Variants in MAF observed in about 807,000 individuals in gnomAD.
MAF encodes transcription factor Maf.
A neutral mutation model predicts 22.0 loss-of-function variants in MAF; 10 were observed. That is an observed-to-expected ratio of 0.45 (90% confidence interval 0.28 to 0.77). The LOEUF (loss-of-function observed/expected upper bound fraction) is 0.77. Among genes scored for constraint, MAF ranks in the 30% least tolerant of loss-of-function variants. The pLI is 0.12. For missense variants in MAF, 544 were observed against 548.4 expected, an observed-to-expected ratio of 0.99 and a Z score of 0.08; for synonymous variants, 337 against 255.8, an observed-to-expected ratio of 1.32 and a Z score of -3.03.
At chr16:79,417,141 G>A in the MAF span, among the ~76,000 whole-genome samples, 2 of 152,064 alleles carry the variant, frequency 1.3e-5, no homozygotes, top group African/African-American at 4.8e-5. Context: ...ATTTTCATTT[G>A]AGGCTGAGGA....
the MAF span, among the ~76,000 whole-genome samples, chr16:79,215,268 G>A: frequency 6.6e-5 from 10 of 152,172 alleles, no homozygotes; most frequent in African/African-American, 2.4e-4. Context: ...TTTAAACAGA[G>A]ATGGGGTCTT....
chr16:79,519,195 T>C, the MAF span, among the ~76,000 whole-genome samples: 6 of 152,154 alleles, frequency 3.9e-5, no homozygotes, highest in Non-Finnish European at 8.8e-5. Flanking sequence ...CACTGACTTG[T>C]CCAAGCCCCC....
the MAF span, among the ~76,000 whole-genome samples, chr16:79,349,406 G>T: frequency 6.6e-6 from 1 of 152,216 alleles, no homozygotes; most frequent in African/African-American, 2.4e-5. Flanking sequence ...CATCTGTTTA[G>T]AAAGTTACTT....
At chr16:79,537,784 C>T in the MAF span, among the ~76,000 whole-genome samples, 1 of 152,152 alleles carries the variant, frequency 6.6e-6, no homozygotes, top group Admixed American at 6.5e-5. Flanking sequence ...TTTTACTCAC[C>T]AGACGAGGTC....
chr16:79,282,694 A>G, the MAF span, among the ~76,000 whole-genome samples: 1 of 152,208 alleles, frequency 6.6e-6, no homozygotes, highest in African/African-American at 2.4e-5. Context: ...GATCTCTCCA[A>G]TCAAAACTGT....
At chr16:79,437,214 A>G in the MAF span, among the ~76,000 whole-genome samples, 1 of 151,884 alleles carries the variant, frequency 6.6e-6, no homozygotes, top group Non-Finnish European at 1.5e-5. Flanking sequence ...TAAGGAAGAG[A>G]GCATGCTGTA....
At chr16:79,500,030 C>A in the MAF span, among the ~76,000 whole-genome samples, 1 of 152,152 alleles carries the variant, frequency 6.6e-6, no homozygotes, top group Admixed American at 6.5e-5. Flanking sequence ...GAGAGAGATG[C>A]AGCAGCAAGC....
At chr16:79,363,847 G>A in the MAF span, among the ~76,000 whole-genome samples, 1 of 152,170 alleles carries the variant, frequency 6.6e-6, no homozygotes, top group Non-Finnish European at 1.5e-5. Context: ...CAAATATCTG[G>A]AGGGTGAATG....
At chr16:79,440,166 G>A in the MAF span, among the ~76,000 whole-genome samples, 1 of 152,286 alleles carries the variant, frequency 6.6e-6, no homozygotes, top group Non-Finnish European at 1.5e-5. Context: ...AGCAATAGAT[G>A]GTGTGTTTCT....
chr16:79,413,189 C>A, the MAF span, among the ~76,000 whole-genome samples: 1 of 134,238 alleles, frequency 7.4e-6, no homozygotes, highest in East Asian at 2.1e-4. Context: ...AATTCCAGCT[C>A]TGCTACTTGT....
chr16:79,218,222 C>A, the MAF span, among the ~76,000 whole-genome samples: 1 of 126,404 alleles, frequency 7.9e-6, no homozygotes. Flanking sequence ...GCTTCATGCC[C>A]CCCCTTTTTT....
chr16:79,407,509 G>C, the MAF span, among the ~76,000 whole-genome samples: 1 of 152,040 alleles, frequency 6.6e-6, no homozygotes, highest in Non-Finnish European at 1.5e-5. Context: ...TGTAGTGGGG[G>C]TGAAGTCCTG....
the MAF span, among the ~76,000 whole-genome samples, chr16:79,580,021 G>T: frequency 6.6e-6 from 1 of 151,916 alleles, no homozygotes; most frequent in East Asian, 1.9e-4. Context: ...AACAAAATAG[G>T]ACGAAAACAA....
At chr16:79,253,027 T>C in the MAF span, among the ~76,000 whole-genome samples, 1 of 152,232 alleles carries the variant, frequency 6.6e-6, no homozygotes, top group African/African-American at 2.4e-5. Flanking sequence ...TTCATGAGTT[T>C]ATTGTGCAGA....
At chr16:79,546,187 G>A in the MAF span, among the ~76,000 whole-genome samples, 2 of 152,100 alleles carry the variant, frequency 1.3e-5, no homozygotes, top group Admixed American at 1.3e-4. Flanking sequence ...GGACAAAAAA[G>A]TTCTATCATT....
chr16:79,377,494 G>A, the MAF span, among the ~76,000 whole-genome samples: 1 of 152,134 alleles, frequency 6.6e-6, no homozygotes, highest in African/African-American at 2.4e-5. Context: ...TCACTCTGAT[G>A]GTAGTTTCTT....
the MAF span, among the ~76,000 whole-genome samples, chr16:79,497,277 T>C: frequency 6.6e-6 from 1 of 152,192 alleles, no homozygotes; most frequent in Non-Finnish European, 1.5e-5. Context: ...GTAAGGCTGT[T>C]TTCACTGCTA....
At chr16:79,332,841 C>A in the MAF span, among the ~76,000 whole-genome samples, 1 of 152,218 alleles carries the variant, frequency 6.6e-6, no homozygotes, top group South Asian at 2.1e-4. Flanking sequence ...ACTATTTCTA[C>A]TACCCTTTAC....
At chr16:79,310,371 G>C in the MAF span, among the ~76,000 whole-genome samples, 2 of 152,152 alleles carry the variant, frequency 1.3e-5, no homozygotes, top group African/African-American at 2.4e-5. Flanking sequence ...GAGAGAGATA[G>C]AGACAGAGAG....
Sources: allele counts gnomAD v4.1 joint callset (sites outside exome capture counted in the v4.1 genomes callset), GRCh38; gene constraint gnomAD v4.1.1; transcripts MANE v1.5; gene names NCBI Gene and HGNC (gene_info 2026-07-23, HGNC 2026-07-21).